TP73: variants seen among roughly 807,000 people sequenced by gnomAD.
TP73 encodes p53-like transcription factor.
Under a neutral mutation model 62.5 loss-of-function variants are expected in TP73, and 25 were observed. The ratio of observed to expected loss-of-function variants is 0.40; its 90% confidence interval spans 0.29 to 0.56. TP73 has a LOEUF of 0.56. Among genes scored for constraint, TP73 ranks in the 20% least tolerant of loss-of-function variants. TP73 has a pLI of 0.46. For synonymous variants in TP73, 423 were observed against 377.5 expected (o/e 1.12, Z -1.40); for missense variants, 754 against 913.3 (o/e 0.83, Z 2.25).
chr1:3,727,547 G>A (rs1370102706), intron 7 of TP73, 81 bp from the exon 8 acceptor site: 2 of 1,537,422 alleles, frequency 1.3e-6, no homozygotes, highest in East Asian at 2.4e-5. Context: ...GGTCCTGCAG[G>A]GTCCGAGGTG....
chr1:3,665,141 A>G (rs1645082583), intron 1 of TP73, among the ~76,000 whole-genome samples: 1 of 152,144 alleles, frequency 6.6e-6, no homozygotes, highest in Non-Finnish European at 1.5e-5. Flanking sequence ...ACTACCAACC[A>G]GTCCCCTCAT....
At chr1:3,704,057 G>C (rs771608481) in intron 3 of TP73, among the ~76,000 whole-genome samples, 1 of 152,222 alleles carries the variant, frequency 6.6e-6, no homozygotes, top group Non-Finnish European at 1.5e-5. Flanking sequence ...GCTGGACTGG[G>C]GGAGCCGTCC....
intron 3 of TP73, among the ~76,000 whole-genome samples, chr1:3,706,750 G>A (rs969223387): frequency 4.6e-5 from 7 of 152,070 alleles, no homozygotes; most frequent in Admixed American, 3.3e-4. Context: ...TCCATGCTGG[G>A]GTCCCGGGGC....
chr1:3,725,766 G>A (rs1471003891), intron 6 of TP73, among the ~76,000 whole-genome samples: 3 of 114,998 alleles, frequency 2.6e-5, no homozygotes, highest in Non-Finnish European at 5.4e-5. Flanking sequence ...TGGATGGGGT[G>A]GGGGGGTGGA....
rs573592324 is a variant in TP73, at chr1:3,718,071, G to A, written c.430-3950G>A. Among the ~76,000 whole-genome samples the A allele has an allele frequency of 3.9e-5, 6 of 152,236 alleles. No homozygotes were observed. In the South Asian group the frequency reaches 1.2e-3, roughly 32 times the overall value. On this transcript the variant is annotated intron_variant, in intron 4 of 13. Transcript: ENST00000378295. Reference sequence around the variant, plus strand: ...CACCCTGAGGCCTGGGCCTCCCTCCGCCACTGGCCCAGGTCGAAGACCTGT... The same window carrying A: ...CACCCTGAGGCCTGGGCCTCCCTCCACCACTGGCCCAGGTCGAAGACCTGT...
At chr1:3,726,013 G>C (rs1570622945) in intron 6 of TP73, among the ~76,000 whole-genome samples, 1 of 99,208 alleles carries the variant, frequency 1.0e-5, no homozygotes, top group Non-Finnish European at 2.1e-5. Context: ...GATGGATGGG[G>C]TGGGTGTGGG....
chr1:3,655,577 G>T (rs941641820), intron 1 of TP73, among the ~76,000 whole-genome samples: 2 of 152,124 alleles, frequency 1.3e-5, no homozygotes, highest in Admixed American at 6.5e-5. Context: ...TGACAATAAC[G>T]CCTACTTTTC....
intron 1 of TP73, among the ~76,000 whole-genome samples, chr1:3,667,414 C>T (rs918148872): frequency 4.6e-5 from 7 of 152,208 alleles, no homozygotes; most frequent in East Asian, 1.9e-4. Flanking sequence ...ACAGACAGTG[C>T]GCACATCCGC....
At position 3,730,157 on chromosome 1, in the gene TP73, C is replaced by G; in HGVS notation, c.1345+9C>G. The G allele has an allele frequency of 6.5e-7, 1 of 1,539,498 alleles. No homozygotes were observed. Among genetic ancestry groups the G allele is most frequent in the Non-Finnish European group, 8.8e-7 (1 of 1,138,182 alleles). On this transcript the variant is annotated intron_variant, in intron 11 of 13. Coordinates refer to ENST00000378295, the MANE Select transcript of TP73 (RefSeq NM_005427.4). ...CAACCTGGGGCCCGTGGGTGAGTCCCTTGGGCAGTGCGGGCCCACGGGCAG... is the reference window on the plus strand; with the variant it reads ...CAACCTGGGGCCCGTGGGTGAGTCCGTTGGGCAGTGCGGGCCCACGGGCAG...
At chr1:3,719,490 C>G (rs1435371663) in intron 4 of TP73, among the ~76,000 whole-genome samples, 2 of 152,226 alleles carry the variant, frequency 1.3e-5, no homozygotes, top group African/African-American at 4.8e-5. Context: ...CAGATGGAGA[C>G]CAGGCGTGGT....
intron 3 of TP73, chr1:3,690,665 TG>T: frequency 7.1e-7 from 1 of 1,405,278 alleles, no homozygotes; most frequent in South Asian, 1.5e-5. Context: ...CCGCGGGTTT[TG>T]TTGTTGGATT....
chr1:3,720,611 C>T (rs191621514), intron 4 of TP73, among the ~76,000 whole-genome samples: 6 of 152,368 alleles, frequency 3.9e-5, no homozygotes, highest in Admixed American at 6.5e-5. Context: ...TGCCGGGGAC[C>T]CAGGCCCCAC....
In TP73 at chr1:3,672,247, G is replaced by T. The variant is rs913085956; in HGVS notation, c.-33-10086G>T. 6.6e-6 allele frequency among the ~76,000 whole-genome samples: 1 copy of T among 152,120 alleles called. No homozygotes were observed. Among genetic ancestry groups the T allele is most frequent in the African/African-American group, 2.4e-5 (1 of 41,412 alleles). The stretch of plus-strand genomic sequence containing the variant: ...AGGTGGGGACAGCAGCTTGAGAAGG[G>T]TCATTCTCTCTTGGTTGGAGGAGTG... On this transcript the variant is annotated intron_variant, in intron 1 of 13. Coordinates refer to ENST00000378295, the MANE Select transcript of TP73 (RefSeq NM_005427.4). This position sits in a 1 kb window ranked among gnomAD's most constrained non-coding sequence, Gnocchi z 5.3.
Position 3,721,781 on chromosome 1 carries a change from G to C in TP73, c.430-240G>C, listed in dbSNP as rs368709893. On this transcript the variant is annotated intron_variant, in intron 4 of 13. Coordinates refer to ENST00000378295, the MANE Select transcript of TP73 (RefSeq NM_005427.4). ...TGCCACCGGCACTCACACCCCTGCTGTCATGGAGCCCAAATGACCCGATGG... is the reference window on the plus strand; with the variant it reads ...TGCCACCGGCACTCACACCCCTGCTCTCATGGAGCCCAAATGACCCGATGG... 1.3e-3 allele frequency among the ~76,000 whole-genome samples: 198 copies of C among 152,268 alleles called. 4 individuals carry two copies. In the South Asian group the frequency reaches 0.034, roughly 26 times the overall value.
intron 4 of TP73, among the ~76,000 whole-genome samples, chr1:3,708,704 G>A (rs1639879497): frequency 6.6e-6 from 1 of 152,188 alleles, no homozygotes; most frequent in African/African-American, 2.4e-5. Flanking sequence ...CAGGAGTGGA[G>A]GGCACGCAGG....
At position 3,730,946 on chromosome 1, in the gene TP73, C is replaced by A. The variant is rs770268512; in HGVS notation, c.1365C>A (p.Asn455Lys). The change falls in exon 12 of 14, where the codon AAC becomes AAA. Residue 455 changes from asparagine to lysine, a missense_variant. Asn to Lys is a moderately conservative substitution (Grantham distance 94). Transcript: ENST00000378295. ...ACCCAGGCCCCGGGATGCTCAACAA[C>A]CATGGCCACGCAGTGCCAGCCAACG... ...LGPVGPGMLN[N>K]HGHAVPANGE... The A allele has an allele frequency of 1.2e-6, 2 of 1,609,310 alleles. No homozygotes were observed. The highest frequency in any genetic ancestry group is 1.7e-6 in the Non-Finnish European group (2 of 1,178,498).
chr1:3,684,218 T>TGCCCC (rs1280963959), intron 3 of TP73, among the ~76,000 whole-genome samples: 4 of 152,310 alleles, frequency 2.6e-5, no homozygotes, highest in South Asian at 2.1e-4. Context: ...ACAGGCTGGC[T>TGCCCC]GCCCCGCCCC....
In TP73 at chr1:3,696,293, G is replaced by C. The variant is rs1465768945; in HGVS notation, c.187-11256G>C. 1.3e-5 allele frequency among the ~76,000 whole-genome samples: 2 copies of C among 152,108 alleles called. No homozygotes were observed. The highest frequency in any genetic ancestry group is 2.4e-5 in the African/African-American group (1 of 41,420). The stretch of plus-strand genomic sequence containing the variant: ...AGGTTCCATTTGCACCCTTGCAGGA[G>C]GCTCTGCTGCTCCCCAAGGCAGGAA... On this transcript the variant is annotated intron_variant, in intron 3 of 13. Coordinates refer to ENST00000378295, the MANE Select transcript of TP73 (RefSeq NM_005427.4). The surrounding 1 kb of genome is among the most constrained non-coding windows in gnomAD (Gnocchi z 4.1).
intron 3 of TP73, among the ~76,000 whole-genome samples, chr1:3,693,706 C>A (rs574259569): frequency 6.7e-6 from 1 of 148,406 alleles, no homozygotes; most frequent in East Asian, 2.0e-4. Context: ...ACCCATGCAG[C>A]CTTAGCCCCT....
Sources: gnomAD v4.1 joint callset for allele counts (sites outside exome capture counted in the v4.1 genomes callset) on GRCh38, gnomAD v4.1.1 for gene constraint, Gnocchi (gnomAD v3.1) non-coding constraint, MANE v1.5 for transcripts, NCBI Gene and HGNC (gene_info 2026-07-23, HGNC 2026-07-21) for gene names.